The following NAAA variants were observed in gnomAD, a reference collection of about 807,000 sequenced individuals.
The protein encoded by NAAA is N-acylethanolamine acid amidase.
In NAAA, 39 loss-of-function variants were observed where a neutral mutation model predicts 44.8. The observed-to-expected ratio is 0.87, with a 90% CI of 0.67 to 1.14. The LOEUF is 1.14. Among genes scored for constraint, NAAA ranks in the 50% most tolerant of loss-of-function variants. The pLI, the probability that NAAA is intolerant of heterozygous loss-of-function variation, is 0.00. For missense variants in NAAA, 460 were observed against 467.8 expected (o/e 0.98, Z 0.15); for synonymous variants, 178 against 191.3 (o/e 0.93, Z 0.58).
At chr4:75,935,932 C>G (rs760457314) in intron 3 of NAAA, 177 bp downstream of exon 3, 2 of 686,814 alleles carry the variant, frequency 2.9e-6, no homozygotes, top group Non-Finnish European at 4.8e-6. Flanking sequence ...AATAAATGAC[C>G]GTCCTTCCTA....
At position 75,920,792 on chromosome 4, in the gene NAAA, C is replaced by T. The variant is rs561108824; in HGVS notation, c.848G>A (p.Arg283Gln). ...PLDPLNGAWFRVETNYDHWKP... is the reference protein window; with the variant it reads ...PLDPLNGAWFQVETNYDHWKP... ...CCAGTGGTCGTAATTTGTCTCAACT[C>T]GGAACCACCTACAACAGAGCACATC... Residue 283 changes from arginine to glutamine, a missense_variant, in exon 7 of 11, where the codon CGA (arginine) becomes CAA (glutamine). Transcript: ENST00000286733. The T allele has an allele frequency of 2.4e-5, 38 of 1,614,178 alleles. No homozygotes were observed. The highest frequency in any genetic ancestry group is 3.3e-4 in the Middle Eastern group (2 of 6,062).
At chr4:75,915,863 T>C (rs1725582250) in intron 9 of NAAA, among the ~76,000 whole-genome samples, 1 of 152,224 alleles carries the variant, frequency 6.6e-6, no homozygotes. Context: ...TGAGCACATG[T>C]GCCCACATGT....
At chr4:75,925,670 A>G in intron 5 of NAAA, 65 bp downstream of exon 5, 1 of 1,478,820 alleles carries the variant, frequency 6.8e-7, no homozygotes, top group Non-Finnish European at 9.4e-7. Context: ...ACATTGTTAA[A>G]TGACACAGAA....
downstream of NAAA, among the ~76,000 whole-genome samples, chr4:75,912,512 C>T (rs1223996378): frequency 1.3e-5 from 2 of 150,242 alleles, no homozygotes; most frequent in Non-Finnish European, 3.0e-5. Context: ...CGAGATCGTG[C>T]CATCGCACTC....
At chr4:75,932,089 CG>C (rs1169625025) in intron 3 of NAAA, among the ~76,000 whole-genome samples, 5 of 152,198 alleles carry the variant, frequency 3.3e-5, no homozygotes, top group South Asian at 4.1e-4. Flanking sequence ...ATTAGCCGGG[CG>C]TGGTGGCACA....
At chr4:75,913,385 C>T (rs970010975), downstream of NAAA, among the ~76,000 whole-genome samples, 6 of 151,922 alleles carry the variant, frequency 3.9e-5, no homozygotes, top group South Asian at 2.1e-4. Flanking sequence ...TTCTTTTTCC[C>T]GGGCACATCC....
intron 10 of NAAA, 130 bp downstream of exon 10, chr4:75,914,738 C>G (rs190939418): frequency 1.6e-6 from 1 of 606,750 alleles, no homozygotes; most frequent in Non-Finnish European, 2.8e-6. Flanking sequence ...CAATCTGACA[C>G]AAATGACAAT....
At chr4:75,918,909 G>T in intron 8 of NAAA, 120 bp from the exon 9 acceptor site, 1 of 864,490 alleles carries the variant, frequency 1.2e-6, no homozygotes, top group Non-Finnish European at 1.9e-6. Context: ...TTGGGAAGCC[G>T]ACGTGGGAGG....
At chr4:75,913,624 C>T (rs377272085), downstream of NAAA, 45 of 932,286 alleles carry the variant, frequency 4.8e-5, no homozygotes, top group East Asian at 1.2e-4. Flanking sequence ...CATAAGACTT[C>T]GGAGGTAAAG....
At position 75,918,426 on chromosome 4, in the gene NAAA, G is replaced by T. The variant is rs111876636; in HGVS notation, c.998+335C>A. On this transcript the variant is annotated intron_variant, in intron 9 of 10. Transcript: ENST00000286733. ...GCCGAGATTGCGCCACTGCACTCCA[G>T]CCTGGGTGACAGAGCGAGACTCTGG... Among the ~76,000 whole-genome samples, 547 of 152,108 alleles carry T rather than the reference G, an allele frequency of 3.6e-3. 2 individuals are homozygous for T. Among genetic ancestry groups the T allele is most frequent in the Non-Finnish European group, 6.6e-3 (448 of 67,998 alleles).
intron 4 of NAAA, chr4:75,930,357 G>A: frequency 2.3e-6 from 1 of 443,074 alleles, no homozygotes; most frequent in Non-Finnish European, 4.5e-6. Flanking sequence ...CAGGACCCAG[G>A]AGAGCAATCT....
downstream of NAAA, among the ~76,000 whole-genome samples, chr4:75,913,246 G>A (rs764867821): frequency 6.6e-6 from 1 of 151,950 alleles, no homozygotes; most frequent in Non-Finnish European, 1.5e-5. Context: ...TCACAAGAAT[G>A]TAACCATTTG....
intron 4 of NAAA, among the ~76,000 whole-genome samples, chr4:75,929,243 A>G (rs926531384): frequency 6.6e-6 from 1 of 152,150 alleles, no homozygotes; most frequent in Non-Finnish European, 1.5e-5. Context: ...AAGCCTCCCC[A>G]TGCCCTGTGG....
rs1725457767 is a variant in NAAA at position 75,914,178 on chromosome 4, C to A, written c.*197G>T. On this transcript the variant is annotated 3_prime_UTR_variant, in exon 11 of 11. Coordinates refer to ENST00000286733, the MANE Select transcript of NAAA (RefSeq NM_014435.4). ...AGGGAATGCAGGACAATGCCCATTA[C>A]TGGCTTTACCACAAACTCCAAATCT... is the stretch of plus-strand genomic sequence containing the variant. 2 of 985,700 alleles carry A rather than the reference C, an allele frequency of 2.0e-6. No individual in the cohort carries two copies. Among genetic ancestry groups the A allele is most frequent in the African/African-American group, 1.7e-5 (1 of 57,228 alleles). 61.1% of individuals were successfully genotyped at this position (985,700 alleles called of 1,614,324 possible). A position where few individuals can be genotyped will look rare whatever the true frequency, so the allele number is the denominator to read the frequency against.
At chr4:75,940,557 T>G (rs973575355) in intron 1 of NAAA, among the ~76,000 whole-genome samples, 187 bp downstream of exon 1, 1 of 152,206 alleles carries the variant, frequency 6.6e-6, no homozygotes, top group Non-Finnish European at 1.5e-5. Flanking sequence ...ACACCGAACT[T>G]GAAAGCCGAA....
At chr4:75,915,624 GGTCC>G (rs760900238) in intron 9 of NAAA, among the ~76,000 whole-genome samples, 11 of 152,110 alleles carry the variant, frequency 7.2e-5, no homozygotes, top group Non-Finnish European at 1.6e-4. Context: ...AGAATTACAG[GGTCC>G]TGGGTACTTG....
intron 5 of NAAA, 101 bp from the exon 6 acceptor site, chr4:75,921,224 G>C: frequency 9.2e-7 from 1 of 1,090,750 alleles, no homozygotes; most frequent in Non-Finnish European, 1.3e-6. Context: ...GATATGTTAT[G>C]TCATGACTAT....
downstream of NAAA, chr4:75,911,309 T>C (rs1381697044): frequency 1.9e-6 from 1 of 518,334 alleles, no homozygotes; most frequent in South Asian, 1.5e-5. Context: ...TGGCTTAGCT[T>C]GGGCTCAGAG....
At chr4:75,921,494 T>G (rs1165109865) in intron 5 of NAAA, among the ~76,000 whole-genome samples, 1 of 152,202 alleles carries the variant, frequency 6.6e-6, no homozygotes, top group Middle Eastern at 3.2e-3. Flanking sequence ...CCAGGCACTG[T>G]GCTGGTGGGG....
Sources: gnomAD v4.1 joint callset for allele counts (sites outside exome capture counted in the v4.1 genomes callset) on GRCh38, gnomAD v4.1.1 for gene constraint, MANE v1.5 for transcripts, NCBI Gene and HGNC (gene_info 2026-07-23, HGNC 2026-07-21) for gene names.